The following LRP1B variants were observed in gnomAD, a reference collection of about 807,000 sequenced individuals.
LRP1B encodes the protein low-density lipoprotein receptor-related protein 1B.
Under a neutral mutation model 556.6 loss-of-function variants are expected in LRP1B, and 217 were observed. The ratio of observed to expected loss-of-function variants is 0.39; its 90% CI spans 0.35 to 0.44. The LOEUF (loss-of-function observed/expected upper bound fraction) is 0.44. LRP1B is among the 20% of genes least tolerant of loss of function. The pLI, the probability that LRP1B is intolerant of heterozygous loss-of-function variation, is 1.00. For missense variants in LRP1B, 5,053 were observed against 5,620.8 expected, an observed-to-expected ratio of 0.90 and a Z score of 3.23; for synonymous variants, 2,047 against 1,865.8, an observed-to-expected ratio of 1.10 and a Z score of -2.50.
intron 14 of LRP1B, among the ~76,000 whole-genome samples, chr2:141,009,521 G>A (rs953890988): frequency 6.6e-6 from 1 of 151,744 alleles, no homozygotes; most frequent in African/African-American, 2.4e-5. Context: ...TTGGCGGGGA[G>A]GTTTGGTGAT....
At chr2:141,033,243 G>A (rs1327689097) in intron 11 of LRP1B, among the ~76,000 whole-genome samples, 1 of 152,018 alleles carries the variant, frequency 6.6e-6, no homozygotes, top group Non-Finnish European at 1.5e-5. Context: ...GAGAGAGCAA[G>A]GGAGGGGAGG....
intron 66 of LRP1B, among the ~76,000 whole-genome samples, chr2:140,416,133 G>T (rs369330877): frequency 6.6e-6 from 1 of 152,132 alleles, no homozygotes; most frequent in African/African-American, 2.4e-5. Flanking sequence ...CATTGCTCAC[G>T]TTACGACCTG....
chr2:140,771,929 G>A (rs780542913), intron 33 of LRP1B, among the ~76,000 whole-genome samples: 2 of 152,126 alleles, frequency 1.3e-5, no homozygotes, highest in South Asian at 2.1e-4. Context: ...AATGCAGCTC[G>A]TTATTTCTCT....
At chr2:140,554,211 C>T (rs1158266667) in intron 43 of LRP1B, among the ~76,000 whole-genome samples, 1 of 151,980 alleles carries the variant, frequency 6.6e-6, no homozygotes, top group Admixed American at 6.6e-5. Flanking sequence ...TAAAATATTG[C>T]CTGAGGTCAC....
chr2:141,936,288 C>T (rs138073693), intron 1 of LRP1B, among the ~76,000 whole-genome samples: 104 of 151,940 alleles, frequency 6.8e-4, no homozygotes, highest in African/African-American at 2.4e-3. Flanking sequence ...AAAAAATAAG[C>T]CTGTCATTAT....
In LRP1B at chr2:140,479,932, C is replaced by T. The variant is rs773087653; in HGVS notation, c.9426-4595G>A. Among the ~76,000 whole-genome samples the T allele has an allele frequency of 1.2e-3, 183 of 152,160 alleles. 3 individuals carry two copies. The highest frequency in any genetic ancestry group is 3.9e-4 in the Admixed American group (6 of 15,266). ...CTCTTTGAAACATGCAGGTTATTAA[C>T]GTACCAATGTATTGGTTTGTGCATA... On this transcript the variant is annotated intron_variant, in intron 59 of 90. Transcript: ENST00000389484.
intron 47 of LRP1B, among the ~76,000 whole-genome samples, chr2:140,527,257 T>C (rs1203741437): frequency 6.6e-6 from 1 of 151,966 alleles, no homozygotes; most frequent in African/African-American, 2.4e-5. Context: ...ATGCTATGTA[T>C]GTTAAATTAA....
intron 18 of LRP1B, among the ~76,000 whole-genome samples, chr2:140,956,082 T>C (rs1695863892): frequency 6.6e-6 from 1 of 151,694 alleles, no homozygotes; most frequent in Non-Finnish European, 1.5e-5. Context: ...AGGAAAGTAT[T>C]ATCTTCACCT....
chr2:140,907,258 A>C (rs551631465), intron 22 of LRP1B, among the ~76,000 whole-genome samples: 2 of 152,106 alleles, frequency 1.3e-5, no homozygotes, highest in African/African-American at 2.4e-5. Flanking sequence ...AAGAGAAGGA[A>C]ATGTAATTTT....
intron 31 of LRP1B, among the ~76,000 whole-genome samples, chr2:140,827,116 T>C (rs1691536028): frequency 6.6e-6 from 1 of 152,108 alleles, no homozygotes; most frequent in Non-Finnish European, 1.5e-5. Flanking sequence ...ATTAAGTTGA[T>C]TTACAAGTGA....
chr2:141,383,712 G>A (rs1689724608), intron 3 of LRP1B, among the ~76,000 whole-genome samples: 1 of 152,180 alleles, frequency 6.6e-6, no homozygotes, highest in Admixed American at 6.5e-5. Context: ...CAATAACATA[G>A]ATGAACCTAT....
chr2:141,107,132 T>TA (rs958383217), intron 7 of LRP1B, among the ~76,000 whole-genome samples: 7 of 151,948 alleles, frequency 4.6e-5, no homozygotes, highest in South Asian at 2.1e-4. Context: ...ATGTGATTTA[T>TA]AAAAAAAATA....
chr2:141,032,826 C>CATACATACATACATACATACATAT, intron 11 of LRP1B, among the ~76,000 whole-genome samples: 4 of 126,616 alleles, frequency 3.2e-5, no homozygotes, highest in South Asian at 2.7e-4. Flanking sequence ...TATATACATA[C>CATACATACATACATACATACATAT]ATATATATAT....
At position 141,877,300 on chromosome 2, in the gene LRP1B, C is replaced by T. The variant is rs543602260; in HGVS notation, c.83-66899G>A. Among the ~76,000 whole-genome samples the T allele has an allele frequency of 8.6e-5, 13 of 152,010 alleles. No individual in the cohort carries two copies. The South Asian group carries it at 2.3e-3, about 27-fold the overall frequency. On this transcript the variant is annotated intron_variant, in intron 1 of 90. Coordinates refer to ENST00000389484, the MANE Select transcript of LRP1B (RefSeq NM_018557.3). ...ATTAACTGCCCACAGGATTTCTGTT[C>T]CCTAGTCACTGGGTGCAATTGTTGG...
At chr2:142,027,862 G>A (rs898294622) in intron 1 of LRP1B, among the ~76,000 whole-genome samples, 1 of 151,820 alleles carries the variant, frequency 6.6e-6, no homozygotes, top group Non-Finnish European at 1.5e-5. Flanking sequence ...TTGCCCATTG[G>A]CTGAAGGTAG....
At chr2:141,758,625 T>C (rs113597721) in intron 2 of LRP1B, among the ~76,000 whole-genome samples, 1 of 152,064 alleles carries the variant, frequency 6.6e-6, no homozygotes, top group African/African-American at 2.4e-5. Context: ...GAGTATTGAT[T>C]GCTTGTTACA....
intron 35 of LRP1B, among the ~76,000 whole-genome samples, chr2:140,724,747 C>T (rs1687528511): frequency 6.6e-6 from 1 of 151,974 alleles, no homozygotes; most frequent in Admixed American, 6.6e-5. Context: ...TGTAGGAAGT[C>T]AATATAAAGT....
chr2:140,503,004 T>A lies in LRP1B; in HGVS notation c.8621A>T (p.His2874Leu). 6.2e-7 allele frequency: 1 copy of A among 1,613,246 alleles called. No individual in the cohort carries two copies. The change falls in exon 54 of 91, where the codon CAT becomes CTT. Residue 2874 changes from histidine (H) to leucine (L), a missense_variant. By Grantham distance (99) the His-to-Leu change is moderately conservative. Transcript: ENST00000389484. Reference sequence around the variant, plus strand: ...TGGGTTTAAAGGTGCTTCATCAGAATGGTCAGGACAGTCAAAGTCTCCATC... The same window carrying A: ...TGGGTTTAAAGGTGCTTCATCAGAAAGGTCAGGACAGTCAAAGTCTCCATC... ...QCDGDFDCPD[H>L]SDEAPLNPKC... is the part of the protein sequence containing the mutation.
chr2:140,801,246 C>A (rs1014650168), intron 32 of LRP1B, among the ~76,000 whole-genome samples: 1 of 152,104 alleles, frequency 6.6e-6, no homozygotes, highest in African/African-American at 2.4e-5. Flanking sequence ...TAGGAAAATA[C>A]GAATGCATTC....
Sources: gnomAD v4.1 joint callset for allele counts (sites outside exome capture counted in the v4.1 genomes callset) on GRCh38, gnomAD v4.1.1 for gene constraint, MANE v1.5 for transcripts, NCBI Gene and HGNC (gene_info 2026-07-23, HGNC 2026-07-21) for gene names.